SLC44A5: variants seen among roughly 807,000 people sequenced by gnomAD.
The protein encoded by SLC44A5 is choline transporter-like protein 5.
SLC44A5 carries 57 observed loss-of-function variants against 101.8 expected under a neutral mutation model. That is an observed-to-expected ratio of 0.56 (90% CI 0.45 to 0.70). SLC44A5 has a LOEUF of 0.70. SLC44A5 is among the 30% of genes least tolerant of loss of function. SLC44A5 has a pLI of 0.00. For synonymous variants in SLC44A5, 281 were observed against 290.9 expected, an observed-to-expected ratio of 0.97 and a Z score of 0.35; for missense variants, 737 against 853.1, an observed-to-expected ratio of 0.86 and a Z score of 1.70.
intron 2 of SLC44A5, among the ~76,000 whole-genome samples, chr1:75,536,867 G>A (rs1328612874): frequency 2.2e-5 from 3 of 138,612 alleles, no homozygotes; most frequent in East Asian, 2.1e-4. Flanking sequence ...TTAGCCGGGC[G>A]TAGTGGCGGG....
chr1:75,456,144 G>T (rs6657734), intron 2 of SLC44A5, among the ~76,000 whole-genome samples: 35,582 of 151,934 alleles, frequency 0.23, 4,290 homozygotes, highest in African/African-American at 0.27. Flanking sequence ...CAAGGAAAAT[G>T]GGTACATATA....
chr1:75,570,439 G>C (rs377360409), intron 1 of SLC44A5, among the ~76,000 whole-genome samples: 2 of 152,158 alleles, frequency 1.3e-5, no homozygotes, highest in Admixed American at 6.5e-5. Context: ...GGTGAAAGAG[G>C]AGGGTTCAAT....
At chr1:75,260,847 ATTAGAAC>A (rs1356916647) in intron 6 of SLC44A5, among the ~76,000 whole-genome samples, 1 of 152,172 alleles carries the variant, frequency 6.6e-6, no homozygotes, top group East Asian at 1.9e-4. Context: ...GTGCAATCAA[ATTAGAAC>A]TCAGGACTAA....
chr1:75,270,742 C>T (rs1651397697), intron 6 of SLC44A5, among the ~76,000 whole-genome samples: 1 of 152,070 alleles, frequency 6.6e-6, no homozygotes. Context: ...CTATCATTCA[C>T]ATATTGTTGA....
At chr1:75,722,223 G>T in the SLC44A5 span, among the ~76,000 whole-genome samples, 1 of 152,166 alleles carries the variant, frequency 6.6e-6, no homozygotes. Context: ...TACTCAGGCC[G>T]ATAGTACGAG....
intron 23 of SLC44A5, among the ~76,000 whole-genome samples, chr1:75,211,108 G>T (rs374922194): frequency 8.5e-5 from 13 of 152,210 alleles, no homozygotes; most frequent in African/African-American, 3.1e-4. Context: ...GTACATGTGA[G>T]TGCCATAATT....
intron 3 of SLC44A5, among the ~76,000 whole-genome samples, chr1:75,352,892 C>T (rs183882903): frequency 4.6e-5 from 7 of 152,214 alleles, no homozygotes; most frequent in African/African-American, 1.7e-4. Context: ...ATGACATAGT[C>T]GTACAATAGG....
chr1:75,376,251 G>T (rs1031384249), intron 3 of SLC44A5, among the ~76,000 whole-genome samples: 1 of 152,224 alleles, frequency 6.6e-6, no homozygotes, highest in Non-Finnish European at 1.5e-5. Context: ...GCGGCAGCGA[G>T]GCTGGGGGAG....
intron 1 of SLC44A5, among the ~76,000 whole-genome samples, chr1:75,572,908 A>AG (rs2102042615): frequency 6.6e-6 from 1 of 152,112 alleles, no homozygotes; most frequent in African/African-American, 2.4e-5. Flanking sequence ...AGATCGCCTG[A>AG]GATCAGGAGT....
At chr1:75,587,842 C>T (rs897893653) in intron 1 of SLC44A5, among the ~76,000 whole-genome samples, 9 of 152,132 alleles carry the variant, frequency 5.9e-5, no homozygotes, top group Non-Finnish European at 1.2e-4. Flanking sequence ...CCTGGAACAG[C>T]CTTCTGCAAT....
chr1:75,347,652 A>C (rs904780479), intron 3 of SLC44A5, among the ~76,000 whole-genome samples: 17 of 150,850 alleles, frequency 1.1e-4, no homozygotes, highest in African/African-American at 4.1e-4. Context: ...GAGAGGAGAG[A>C]TCTTCTTTCC....
the SLC44A5 span, among the ~76,000 whole-genome samples, chr1:75,619,061 AC>A: frequency 4.9e-5 from 5 of 101,026 alleles, no homozygotes; most frequent in Non-Finnish European, 7.8e-5. Context: ...CAAGAGCGAA[AC>A]TCTGTCTCAA....
chr1:75,651,856 G>A, the SLC44A5 span, among the ~76,000 whole-genome samples: 1 of 152,020 alleles, frequency 6.6e-6, no homozygotes, highest in Admixed American at 6.6e-5. Context: ...CGCACACGTG[G>A]AACGTCAGGC....
At chr1:75,246,166 A>T (rs1413362910) in intron 7 of SLC44A5, among the ~76,000 whole-genome samples, 5 of 152,134 alleles carry the variant, frequency 3.3e-5, no homozygotes, top group Non-Finnish European at 7.4e-5. Flanking sequence ...TTTAATTCAG[A>T]TAGTCTTAAC....
chr1:75,534,392 C>T (rs1326361385), intron 2 of SLC44A5, among the ~76,000 whole-genome samples: 2 of 152,194 alleles, frequency 1.3e-5, no homozygotes, highest in Non-Finnish European at 2.9e-5. Context: ...CTCTCTGCCC[C>T]TCCTACTCCA....
the SLC44A5 span, among the ~76,000 whole-genome samples, chr1:75,701,575 C>A: frequency 1.3e-5 from 2 of 152,146 alleles, no homozygotes; most frequent in African/African-American, 4.8e-5. Context: ...AAACTGGAAG[C>A]ATTCCCTTTG....
At chr1:75,568,132 T>A (rs115447224) in intron 1 of SLC44A5, among the ~76,000 whole-genome samples, 276 of 152,308 alleles carry the variant, frequency 1.8e-3, no homozygotes, top group African/African-American at 6.3e-3. Flanking sequence ...CACATGGAAA[T>A]CAGCAAAACA....
intron 3 of SLC44A5, among the ~76,000 whole-genome samples, chr1:75,386,611 T>C (rs781262286): frequency 1.6e-4 from 24 of 152,268 alleles, no homozygotes; most frequent in Non-Finnish European, 2.9e-4. Flanking sequence ...GAAAAGTCAA[T>C]ATCGTGAAAA....
At chr1:75,373,674 G>C (rs1660376620) in intron 3 of SLC44A5, among the ~76,000 whole-genome samples, 1 of 152,110 alleles carries the variant, frequency 6.6e-6, no homozygotes, top group Admixed American at 6.5e-5. Context: ...TCCACACGCT[G>C]CCTTGTCCAC....
Sources: gnomAD v4.1 joint callset for allele counts (sites outside exome capture counted in the v4.1 genomes callset) on GRCh38, gnomAD v4.1.1 for gene constraint, MANE v1.5 for transcripts, NCBI Gene and HGNC (gene_info 2026-07-23, HGNC 2026-07-21) for gene names.